The following ENTREP2 variants were observed in gnomAD, a reference collection of about 807,000 sequenced individuals.
ENTREP2 encodes the protein endosomal transmembrane epsin interactor 2.
the ENTREP2 span, among the ~76,000 whole-genome samples, chr15:29,150,874 G>C: frequency 6.6e-6 from 1 of 152,014 alleles, no homozygotes; most frequent in Non-Finnish European, 1.5e-5. Flanking sequence ...AAGCAGCGTA[G>C]GTCTCAAAGG....
At chr15:29,561,217 A>G in the ENTREP2 span, among the ~76,000 whole-genome samples, 3 of 151,718 alleles carry the variant, frequency 2.0e-5, no homozygotes, top group East Asian at 6.0e-4. Context: ...AAATAGAACT[A>G]TCCCATGTAG....
the ENTREP2 span, among the ~76,000 whole-genome samples, chr15:29,179,682 G>A: frequency 4.0e-5 from 6 of 150,820 alleles, no homozygotes; most frequent in South Asian, 4.3e-4. Context: ...CCGGGTTCAC[G>A]CCATTCTCCT....
At chr15:29,176,346 C>G in the ENTREP2 span, among the ~76,000 whole-genome samples, 11 of 152,210 alleles carry the variant, frequency 7.2e-5, no homozygotes, top group African/African-American at 2.6e-4. Flanking sequence ...ATTAATGCAG[C>G]TGGTAGTTCT....
the ENTREP2 span, among the ~76,000 whole-genome samples, chr15:29,377,365 C>T: frequency 6.6e-6 from 1 of 152,066 alleles, no homozygotes; most frequent in Non-Finnish European, 1.5e-5. Context: ...AGACACTTTA[C>T]ATACCACCCA....
the ENTREP2 span, among the ~76,000 whole-genome samples, chr15:29,233,212 C>T: frequency 6.6e-6 from 1 of 152,146 alleles, no homozygotes; most frequent in South Asian, 2.1e-4. Context: ...AGCTTACCTC[C>T]GGGTTTGTAA....
the ENTREP2 span, among the ~76,000 whole-genome samples, chr15:29,523,639 C>G: frequency 7.7e-6 from 1 of 129,106 alleles, no homozygotes; most frequent in Non-Finnish European, 1.5e-5. Flanking sequence ...ATGCTTGGAT[C>G]CAGAATAGCC....
chr15:29,356,399 T>A, the ENTREP2 span, among the ~76,000 whole-genome samples: 1 of 142,856 alleles, frequency 7.0e-6, no homozygotes, highest in African/African-American at 2.6e-5. Flanking sequence ...CTCTGCCTCC[T>A]GGGTTCACGC....
chr15:29,233,688 T>C, the ENTREP2 span: 8 of 1,143,164 alleles, frequency 7.0e-6, no homozygotes, highest in Non-Finnish European at 1.1e-5. Context: ...GCGCATCTCC[T>C]GTTGCACGCA....
At chr15:29,347,572 T>C in the ENTREP2 span, among the ~76,000 whole-genome samples, 1 of 152,198 alleles carries the variant, frequency 6.6e-6, no homozygotes, top group African/African-American at 2.4e-5. Context: ...CAAAGAGACT[T>C]AGGACTTCAG....
the ENTREP2 span, among the ~76,000 whole-genome samples, chr15:29,664,280 T>C: frequency 3.3e-5 from 5 of 152,188 alleles, no homozygotes; most frequent in Non-Finnish European, 7.4e-5. Flanking sequence ...AGGTGCACTC[T>C]GGTCTGTGGT....
chr15:29,359,649 G>A, the ENTREP2 span, among the ~76,000 whole-genome samples: 2 of 152,088 alleles, frequency 1.3e-5, no homozygotes, highest in African/African-American at 4.8e-5. Context: ...CTGACCTCGT[G>A]ATCTGCCCAC....
At chr15:29,674,688 G>A in the ENTREP2 span, among the ~76,000 whole-genome samples, 1 of 150,498 alleles carries the variant, frequency 6.6e-6, no homozygotes, top group Admixed American at 6.6e-5. Context: ...TTTTCCCTAG[G>A]GAAAAGGAGG....
the ENTREP2 span, among the ~76,000 whole-genome samples, chr15:29,302,408 T>C: frequency 6.6e-6 from 1 of 152,200 alleles, no homozygotes. Flanking sequence ...TAGAGTCCCA[T>C]GTTTTAAAGG....
the ENTREP2 span, among the ~76,000 whole-genome samples, chr15:29,214,702 A>AG: frequency 6.6e-6 from 1 of 151,240 alleles, no homozygotes; most frequent in African/African-American, 2.4e-5. Context: ...AAAAAAAAAA[A>AG]TGTAAAAAAA....
the ENTREP2 span, among the ~76,000 whole-genome samples, chr15:29,622,939 T>C: frequency 6.6e-6 from 1 of 152,260 alleles, no homozygotes; most frequent in East Asian, 1.9e-4. Context: ...AGCTGAGAAC[T>C]TCCTTTGGGA....
At chr15:29,226,696 G>T in the ENTREP2 span, among the ~76,000 whole-genome samples, 1 of 152,186 alleles carries the variant, frequency 6.6e-6, no homozygotes, top group African/African-American at 2.4e-5. Context: ...GACATAATTG[G>T]TGTTGGCTTG....
At chr15:29,137,726 C>T in the ENTREP2 span, among the ~76,000 whole-genome samples, 26 of 152,162 alleles carry the variant, frequency 1.7e-4, no homozygotes, top group Non-Finnish European at 2.8e-4. Context: ...ATCCCAGCTA[C>T]TTGGGAGGCT....
chr15:29,666,424 C>CTCA, the ENTREP2 span, among the ~76,000 whole-genome samples: 2 of 151,870 alleles, frequency 1.3e-5, no homozygotes, highest in East Asian at 3.9e-4. Context: ...CTCACCCCCA[C>CTCA]CCTCGCCCAG....
the ENTREP2 span, among the ~76,000 whole-genome samples, chr15:29,588,267 C>T: frequency 6.6e-6 from 1 of 152,082 alleles, no homozygotes; most frequent in African/African-American, 2.4e-5. Flanking sequence ...ACTTGGCAAA[C>T]TCCAGACTCC....
Sources: gnomAD v4.1 joint callset for allele counts (sites outside exome capture counted in the v4.1 genomes callset) on GRCh38, gnomAD v4.1.1 for gene constraint, MANE v1.5 for transcripts, NCBI Gene and HGNC (gene_info 2026-07-23, HGNC 2026-07-21) for gene names.